The following METTL24 variants were observed in gnomAD, a reference collection of about 807,000 sequenced individuals.
METTL24 encodes probable methyltransferase-like protein 24.
METTL24 carries 29 observed loss-of-function variants against 32.7 expected under a neutral mutation model. The observed-to-expected ratio is 0.89, with a 90% confidence interval of 0.66 to 1.21. METTL24 has a LOEUF of 1.21. Among genes scored for constraint, METTL24 ranks in the 50% most tolerant of loss-of-function variants. The pLI, the probability that METTL24 is intolerant of heterozygous loss-of-function variation, is 0.00. For missense variants in METTL24, 439 were observed against 468.1 expected (o/e 0.94, Z 0.57); for synonymous variants, 163 against 179.5 (o/e 0.91, Z 0.73).
chr6:110,297,281 C>A (rs1348274216), intron 4 of METTL24, among the ~76,000 whole-genome samples: 6 of 152,146 alleles, frequency 3.9e-5, no homozygotes, highest in Admixed American at 3.9e-4. Context: ...TCCCATGGAG[C>A]TAAACAAACA....
intron 4 of METTL24, among the ~76,000 whole-genome samples, chr6:110,249,794 G>A (rs898607359): frequency 1.3e-5 from 2 of 151,866 alleles, no homozygotes; most frequent in Non-Finnish European, 2.9e-5. Flanking sequence ...ACAACTTAAG[G>A]TTAACTCCCA....
chr6:110,344,182 G>T (rs1414404931), intron 1 of METTL24, among the ~76,000 whole-genome samples: 1 of 152,166 alleles, frequency 6.6e-6, no homozygotes, highest in Admixed American at 6.5e-5. Flanking sequence ...CATGACAATG[G>T]ACTCATGACC....
In METTL24 at chr6:110,245,693, C is replaced by T. The variant is rs56112056; in HGVS notation, c.*253G>A. Among the ~76,000 whole-genome samples, 22,927 of 152,054 alleles carry T rather than the reference C, an allele frequency of 0.15. 1,853 individuals are homozygous for T. The highest frequency in any genetic ancestry group is 0.22 in the African/African-American group (9,228 of 41,452). On this transcript the variant is annotated 3_prime_UTR_variant, in exon 5 of 5. Transcript: ENST00000338882. ...GAATTTTAGGGAAAACTGTGATGAG[C>T]TGGGGATAATCTTCCAAGTTAAGGT... is the stretch of plus-strand genomic sequence containing the variant.
chr6:110,357,777 T>G (rs2114785797), intron 1 of METTL24, 178 bp downstream of exon 1: 1 of 229,602 alleles, frequency 4.4e-6, no homozygotes, highest in East Asian at 8.3e-5. Flanking sequence ...TCAGTCTATC[T>G]GGGCACTGAA....
At chr6:110,311,166 T>C (rs1771714263) in intron 3 of METTL24, among the ~76,000 whole-genome samples, 1 of 152,076 alleles carries the variant, frequency 6.6e-6, no homozygotes. Context: ...CACTCTTCCC[T>C]CACTATCAGT....
chr6:110,349,410 A>C (rs1270240939), intron 1 of METTL24, among the ~76,000 whole-genome samples: 2 of 152,190 alleles, frequency 1.3e-5, no homozygotes, highest in Admixed American at 1.3e-4. Flanking sequence ...GTCCAGAGAG[A>C]TGCAGTGACA....
chr6:110,353,042 C>T (rs1477007633), intron 1 of METTL24, among the ~76,000 whole-genome samples: 2 of 152,222 alleles, frequency 1.3e-5, no homozygotes, highest in Non-Finnish European at 2.9e-5. Flanking sequence ...CCTTTGCCCA[C>T]AGAATGCTCT....
At chr6:110,300,581 T>C (rs560788119) in intron 3 of METTL24, among the ~76,000 whole-genome samples, 1 of 152,088 alleles carries the variant, frequency 6.6e-6, no homozygotes, top group African/African-American at 2.4e-5. Context: ...CCACCATGCC[T>C]GGCTAACTTT....
chr6:110,307,502 A>AT (rs1223583876), intron 3 of METTL24, among the ~76,000 whole-genome samples: 1 of 152,202 alleles, frequency 6.6e-6, no homozygotes, highest in Non-Finnish European at 1.5e-5. Flanking sequence ...CAACTAGTCC[A>AT]TTTTTTGCCA....
At chr6:110,266,501 G>T (rs1770860411) in intron 4 of METTL24, among the ~76,000 whole-genome samples, 1 of 151,866 alleles carries the variant, frequency 6.6e-6, no homozygotes, top group Non-Finnish European at 1.5e-5. Flanking sequence ...CTATTCTTTG[G>T]CTAGATTCCC....
At chr6:110,295,872 TA>T (rs1300213887) in intron 4 of METTL24, among the ~76,000 whole-genome samples, 4 of 150,192 alleles carry the variant, frequency 2.7e-5, no homozygotes, top group Non-Finnish European at 5.9e-5. Context: ...AAATTGTTAA[TA>T]AAAACCCTTT....
At chr6:110,322,736 C>A (rs761211845) in intron 2 of METTL24, 38 bp downstream of exon 2, 2 of 1,549,546 alleles carry the variant, frequency 1.3e-6, no homozygotes, top group East Asian at 2.3e-5. Flanking sequence ...CAGGATCTTT[C>A]ACATTCTTCT....
intron 3 of METTL24, among the ~76,000 whole-genome samples, chr6:110,302,493 G>GTGTATATATACACATATACACACATATA (rs1771538141): frequency 2.4e-5 from 2 of 84,918 alleles, no homozygotes; most frequent in Non-Finnish European, 4.5e-5. Flanking sequence ...ACACACATAT[G>GTGTATATATACACATATACACACATATA]TGTATATATA....
intron 1 of METTL24, among the ~76,000 whole-genome samples, chr6:110,345,513 C>T (rs551440166): frequency 1.3e-5 from 2 of 152,292 alleles, no homozygotes; most frequent in Admixed American, 1.3e-4. Context: ...ATAGCAAAGA[C>T]ATGGAATCAA....
At chr6:110,350,456 A>AG (rs1312046636) in intron 1 of METTL24, among the ~76,000 whole-genome samples, 1 of 152,072 alleles carries the variant, frequency 6.6e-6, no homozygotes, top group African/African-American at 2.4e-5. Context: ...GCCAGTTGCA[A>AG]GGGGGGCTGT....
intron 3 of METTL24, among the ~76,000 whole-genome samples, chr6:110,305,349 C>T (rs144285488): frequency 0.017 from 2,660 of 152,068 alleles, 75 homozygotes; most frequent in East Asian, 0.12. Flanking sequence ...AATTAAAGAG[C>T]TTCTGCACAG....
At chr6:110,254,812 AGTT>A (rs1778352930) in intron 4 of METTL24, among the ~76,000 whole-genome samples, 1 of 152,182 alleles carries the variant, frequency 6.6e-6, no homozygotes, top group Admixed American at 6.5e-5. Context: ...ACTGGTGAAA[AGTT>A]GTTATTTAAT....
intron 1 of METTL24, among the ~76,000 whole-genome samples, chr6:110,330,714 A>C (rs1393002337): frequency 6.6e-6 from 1 of 152,176 alleles, no homozygotes; most frequent in African/African-American, 2.4e-5. Context: ...GCCTTTGAAA[A>C]CAGAGCTGAC....
chr6:110,318,976 T>C (rs1198840610), intron 2 of METTL24, among the ~76,000 whole-genome samples: 1 of 152,176 alleles, frequency 6.6e-6, no homozygotes, highest in Non-Finnish European at 1.5e-5. Flanking sequence ...TAAAGCAAAT[T>C]AGGCCTAGAC....
Sources: allele counts gnomAD v4.1 joint callset (sites outside exome capture counted in the v4.1 genomes callset), GRCh38; gene constraint gnomAD v4.1.1; transcripts MANE v1.5; gene names NCBI Gene and HGNC (gene_info 2026-07-23, HGNC 2026-07-21).